PTCH1: variants seen among roughly 807,000 people sequenced by gnomAD.
The protein encoded by PTCH1 is protein patched homolog 1.
Under a neutral mutation model 144.6 loss-of-function variants are expected in PTCH1, and 14 were observed. The observed-to-expected ratio is 0.10, with a 90% CI of 0.06 to 0.15. The LOEUF (loss-of-function observed/expected upper bound fraction) is 0.15, where lower values mean the gene tolerates loss of function less well. PTCH1 is among the 10% of genes least tolerant of loss of function. PTCH1 has a pLI of 1.00. For synonymous variants in PTCH1, 833 were observed against 793.6 expected (o/e 1.05, Z -0.83); for missense variants, 1,623 against 1,948.3 (o/e 0.83, Z 3.14).
intron 2 of PTCH1, among the ~76,000 whole-genome samples, chr9:95,505,199 T>C (rs1460021238): frequency 6.6e-6 from 1 of 152,210 alleles, no homozygotes; most frequent in Non-Finnish European, 1.5e-5. Context: ...GGAAATATTC[T>C]TCAAGGTCTC....
At chr9:95,460,091 G>A (rs1839333757) in intron 16 of PTCH1, 5 of 428,614 alleles carry the variant, frequency 1.2e-5, no homozygotes, top group Non-Finnish European at 2.2e-5. Context: ...ACAATCTGGA[G>A]AAACATATTT....
upstream of PTCH1, among the ~76,000 whole-genome samples, chr9:95,511,302 C>T (rs1251689235): frequency 6.6e-6 from 1 of 152,118 alleles, no homozygotes; most frequent in African/African-American, 2.4e-5. Flanking sequence ...TCCTCCCTCG[C>T]CCCGCTCCCT....
rs1843883183 is a variant in PTCH1 at position 95,508,156 on chromosome 9, T to A, written c.201+5A>T. On this transcript the variant is annotated splice_donor_5th_base_variant and intron_variant, in intron 1 of 23. Coordinates refer to ENST00000331920, the MANE Select transcript of PTCH1 (RefSeq NM_000264.5). ...GAAAGTGGGAGGAGAGAGTCTGAAA[T>A]GCACCTTGGAAATCTGCTCCAGAGC... The A allele has an allele frequency of 6.2e-7, 1 of 1,612,484 alleles. No homozygotes were observed. Among genetic ancestry groups the A allele is most frequent in the Non-Finnish European group, 8.5e-7 (1 of 1,179,654 alleles).
Position 95,506,431 on chromosome 9 carries a change from T to C in PTCH1, c.370A>G (p.Asn124Asp). The C allele has an allele frequency of 6.2e-7, 1 of 1,611,892 alleles. No homozygotes were observed. The highest frequency in any genetic ancestry group is 1.1e-5 in the South Asian group (1 of 90,858). Reference protein sequence around the residue: ...VGLKAANLETNVEELWVEVGG... With the variant: ...VGLKAANLETDVEELWVEVGG... ...CCTTCCACCCACAGCTCCTCCACGT[T>C]GGTCTCGAGGTTCGCTGCTTTTAAT... The change falls in exon 2 of 24, where the codon AAC becomes GAC. Residue 124 changes from asparagine to aspartate, a missense_variant. Coordinates refer to ENST00000331920, the MANE Select transcript of PTCH1 (RefSeq NM_000264.5).
At chr9:95,472,226 A>G (rs1271361476) in intron 12 of PTCH1, among the ~76,000 whole-genome samples, 1 of 152,196 alleles carries the variant, frequency 6.6e-6, no homozygotes, top group Non-Finnish European at 1.5e-5. Flanking sequence ...GATTCATAGC[A>G]AACAGGAGGT....
intron 16 of PTCH1, 81 bp from the exon 17 acceptor site, chr9:95,459,864 A>T: frequency 7.1e-7 from 1 of 1,412,838 alleles, no homozygotes; most frequent in Non-Finnish European, 9.9e-7. Flanking sequence ...ACAGAAGCTG[A>T]GCTTCGCACA....
rs1844007072 is a variant in PTCH1, at chr9:95,509,189, C to G, written c.-828G>C. Among the ~76,000 whole-genome samples the G allele has an allele frequency of 7.2e-6, 1 of 138,688 alleles. No homozygotes were observed. The highest frequency in any genetic ancestry group is 1.5e-5 in the Non-Finnish European group (1 of 65,992). 91.0% of individuals were successfully genotyped at this position (138,688 alleles called of 152,430 possible). The stretch of plus-strand genomic sequence containing the variant: ...CAGCGGCCGCAGCAGCTCCTTGATT[C>G]AATAGATGAGATGGAAGAAGAAAAA... On this transcript the variant is annotated 5_prime_UTR_variant, in exon 1 of 24. Coordinates refer to ENST00000331920, the MANE Select transcript of PTCH1 (RefSeq NM_000264.5).
At chr9:95,474,039 T>C (rs1239645742) in intron 12 of PTCH1, 3 of 482,944 alleles carry the variant, frequency 6.2e-6, no homozygotes, top group African/African-American at 2.0e-5. Context: ...CACTGGATTT[T>C]CTACAAGGCT....
At chr9:95,479,757 T>G in intron 7 of PTCH1, 1 of 722,244 alleles carries the variant, frequency 1.4e-6, no homozygotes, top group Non-Finnish European at 2.3e-6. Context: ...TGATGAAAAC[T>G]ACAAATCCAT....
chr9:95,467,471 A>G, intron 14 of PTCH1, 46 bp from the exon 15 acceptor site: 1 of 1,582,352 alleles, frequency 6.3e-7, no homozygotes, highest in South Asian at 1.1e-5. Context: ...AGCACCACTG[A>G]CTCTTCCTGG....
At chr9:95,500,068 A>T (rs566263366) in intron 2 of PTCH1, among the ~76,000 whole-genome samples, 1 of 152,278 alleles carries the variant, frequency 6.6e-6, no homozygotes, top group African/African-American at 2.4e-5. Flanking sequence ...AAACCAGACA[A>T]ATCTCCCATG....
At chr9:95,515,052 C>T (rs986218631) in intron 1 of PTCH1, among the ~76,000 whole-genome samples, 3 of 151,856 alleles carry the variant, frequency 2.0e-5, no homozygotes, top group Non-Finnish European at 2.9e-5. Flanking sequence ...ACAACTTGGG[C>T]ACTCCATGCA....
In PTCH1 at chr9:95,508,608, A is replaced by G; in HGVS notation, c.-247T>C. The stretch of plus-strand genomic sequence containing the variant: ...GTCAGACCCTGCGCCTTCCATTGCC[A>G]CATTGCGCGGGGGTCCCGAGGTCTC... On this transcript the variant is annotated 5_prime_UTR_variant, in exon 1 of 24. Transcript: ENST00000331920. 1.0e-6 allele frequency: 1 copy of G among 992,656 alleles called. No individual in the cohort carries two copies. The highest frequency in any genetic ancestry group is 1.2e-6 in the Non-Finnish European group (1 of 835,680). The allele number at this position is 992,656 out of a possible 1,614,324, so 61.5% of individuals were successfully genotyped here.
chr9:95,489,181 G>C (rs982983871), intron 2 of PTCH1, among the ~76,000 whole-genome samples: 2 of 152,152 alleles, frequency 1.3e-5, no homozygotes, highest in African/African-American at 4.8e-5. Flanking sequence ...TGCTACCCTA[G>C]CAAACGCCTA....
chr9:95,451,174 C>T (rs1490564400), intron 20 of PTCH1: 1 of 152,208 alleles, frequency 6.6e-6, no homozygotes, highest in East Asian at 1.9e-4. Context: ...TTCTGAACTA[C>T]ATTAGTAAAA....
At chr9:95,490,650 A>G (rs138418690) in intron 2 of PTCH1, among the ~76,000 whole-genome samples, 253 of 152,272 alleles carry the variant, frequency 1.7e-3, no homozygotes, top group Non-Finnish European at 2.6e-3. Context: ...ACTCACTCAT[A>G]TATGAGAGGT....
intron 3 of PTCH1, 70 bp from the exon 4 acceptor site, chr9:95,482,273 T>C (rs1382121151): frequency 1.4e-6 from 2 of 1,414,732 alleles, no homozygotes; most frequent in East Asian, 2.3e-5. Flanking sequence ...TTCGAAATGA[T>C]AGAACATATA....
chr9:95,455,033 T>C (rs185486899), intron 19 of PTCH1, among the ~76,000 whole-genome samples: 2 of 152,332 alleles, frequency 1.3e-5, no homozygotes, highest in East Asian at 1.9e-4. Flanking sequence ...AGAACTGTAT[T>C]GGAATTATGG....
chr9:95,448,957 A>G, intron 22 of PTCH1, 112 bp downstream of exon 22: 2 of 1,455,274 alleles, frequency 1.4e-6, no homozygotes, highest in South Asian at 2.4e-5. Context: ...TTATCTCTGC[A>G]TCCCATCTGC....
Sources: allele counts gnomAD v4.1 joint callset (sites outside exome capture counted in the v4.1 genomes callset), GRCh38; gene constraint gnomAD v4.1.1; transcripts MANE v1.5; gene names NCBI Gene and HGNC (gene_info 2026-07-23, HGNC 2026-07-21).